Variants in STX8 observed in about 807,000 individuals in gnomAD.
STX8 encodes syntaxin-8.
A neutral mutation model predicts 37.5 loss-of-function variants in STX8; 23 were observed. The ratio of observed to expected loss-of-function variants is 0.61; its 90% CI spans 0.44 to 0.87. The LOEUF (loss-of-function observed/expected upper bound fraction) is 0.87, where lower values mean the gene tolerates loss of function less well. Among genes scored for constraint, STX8 ranks in the 40% least tolerant of loss-of-function variants. The pLI is 0.00. For missense variants in STX8, 313 were observed against 284.7 expected, an observed-to-expected ratio of 1.10 and a Z score of -0.71; for synonymous variants, 115 against 99.1, an observed-to-expected ratio of 1.16 and a Z score of -0.95.
At chr17:9,517,788 TAAA>T (rs11318149) in intron 4 of STX8, among the ~76,000 whole-genome samples, 2,629 of 98,698 alleles carry the variant, frequency 0.027, 120 homozygotes, top group African/African-American at 0.091. Context: ...ACCCCTATTG[TAAA>T]AAAAAAAAAA....
chr17:9,295,116 G>C (rs918245370), intron 7 of STX8, among the ~76,000 whole-genome samples: 1 of 152,210 alleles, frequency 6.6e-6, no homozygotes, highest in African/African-American at 2.4e-5. Context: ...AGTGAGCCTT[G>C]TTGGCCCTGC....
At chr17:9,560,289 T>C (rs901183334) in intron 2 of STX8, among the ~76,000 whole-genome samples, 1 of 143,906 alleles carries the variant, frequency 6.9e-6, no homozygotes, top group African/African-American at 2.6e-5. Context: ...TCTCAGTTAC[T>C]GGGGAGGCTG....
intron 6 of STX8, among the ~76,000 whole-genome samples, chr17:9,449,360 A>G (rs1185970735): frequency 6.6e-6 from 1 of 152,196 alleles, no homozygotes; most frequent in Non-Finnish European, 1.5e-5. Flanking sequence ...GGAGATCGAG[A>G]CCACCCTGGC....
At position 9,262,426 on chromosome 17, in the gene STX8, G is replaced by A. The variant is rs543968196; in HGVS notation, c.644-11781C>T. Among the ~76,000 whole-genome samples the A allele has an allele frequency of 5.3e-5, 8 of 152,284 alleles. No homozygotes were observed. In the East Asian group the frequency reaches 7.7e-4, roughly 15 times the overall value. On this transcript the variant is annotated intron_variant, in intron 7 of 7. Coordinates refer to ENST00000306357, the MANE Select transcript of STX8 (RefSeq NM_004853.3). ...GAGGGGTGGGCCACAAACTTAGCTC[G>A]GGAGGTCCCAGGCCCTGCCTTTGCT...
At chr17:9,470,564 T>G (rs1220953387) in intron 6 of STX8, among the ~76,000 whole-genome samples, 1 of 152,230 alleles carries the variant, frequency 6.6e-6, no homozygotes, top group Non-Finnish European at 1.5e-5. Context: ...ACCTTCTTTC[T>G]GTATCTTTTT....
chr17:9,345,592 A>G (rs948588057), intron 7 of STX8, among the ~76,000 whole-genome samples: 3 of 152,108 alleles, frequency 2.0e-5, no homozygotes, highest in Non-Finnish European at 2.9e-5. Flanking sequence ...TTTAGATGAC[A>G]AAGAATATAT....
intron 6 of STX8, among the ~76,000 whole-genome samples, chr17:9,418,958 C>T (rs869138721): frequency 1.4e-5 from 1 of 70,834 alleles, no homozygotes; most frequent in Non-Finnish European, 3.6e-5. Context: ...GGCTCTCTCC[C>T]TGTCACCCAG....
chr17:9,321,900 T>A (rs949414197), intron 7 of STX8, among the ~76,000 whole-genome samples: 5 of 152,118 alleles, frequency 3.3e-5, no homozygotes, highest in Non-Finnish European at 7.4e-5. Context: ...ACTCTGGAGA[T>A]CAGGACAGGG....
intron 7 of STX8, among the ~76,000 whole-genome samples, chr17:9,373,955 A>AT (rs1911498992): frequency 6.6e-6 from 1 of 151,612 alleles, no homozygotes; most frequent in Admixed American, 6.6e-5. Context: ...AAAAAAAAAA[A>AT]AGTTCTGGAC....
chr17:9,339,103 G>A (rs1242976914), intron 7 of STX8, among the ~76,000 whole-genome samples: 2 of 145,862 alleles, frequency 1.4e-5, no homozygotes, highest in Non-Finnish European at 3.0e-5. Context: ...TCCAGGTGAA[G>A]CTCTTAAATA....
chr17:9,314,379 ATATTT>A (rs1909304906), intron 7 of STX8, among the ~76,000 whole-genome samples: 2 of 151,950 alleles, frequency 1.3e-5, no homozygotes, highest in Admixed American at 6.6e-5. Context: ...TTGGGAATAT[ATATTT>A]TATATCTGTT....
At chr17:9,428,235 CTTTTGTTTTGTTTTG>C (rs372149421) in intron 6 of STX8, among the ~76,000 whole-genome samples, 9 of 151,980 alleles carry the variant, frequency 5.9e-5, no homozygotes, top group Non-Finnish European at 1.3e-4. Context: ...CCAGAAATGA[CTTTTGTTTTGTTTTG>C]TTTTGTTTTG....
At position 9,468,388 on chromosome 17, in the gene STX8, G is replaced by A. The variant is rs566629698; in HGVS notation, c.541+23441C>T. Among the ~76,000 whole-genome samples, 4 of 152,316 alleles carry A rather than the reference G, an allele frequency of 2.6e-5. No homozygotes were observed. The South Asian group carries it at 8.3e-4, about 32-fold the overall frequency. On this transcript the variant is annotated intron_variant, in intron 6 of 7. Transcript: ENST00000306357. ...ACCTCCCAAAGTGCTGGGATTACAG[G>A]TGTGAGCCACTGCACCCAGCAATAT...
At position 9,470,002 on chromosome 17, in the gene STX8, T is replaced by A. The variant is rs571042067; in HGVS notation, c.541+21827A>T. 36 of 152,358 alleles carry A rather than the reference T, an allele frequency of 2.4e-4. 1 individual carries two copies. Among genetic ancestry groups the A allele is most frequent in the Admixed American group, 2.0e-3 (31 of 15,298 alleles). The allele number at this position is 152,358 out of a possible 1,614,324, so 9.4% of individuals were successfully genotyped here. Reference sequence around the variant, plus strand: ...TTAATTCCTCAGGACATAATAAATTTTTTTTAATTGTGCTTGTGGATTTCA... The same window carrying A: ...TTAATTCCTCAGGACATAATAAATTATTTTTAATTGTGCTTGTGGATTTCA... On this transcript the variant is annotated intron_variant, in intron 6 of 7. Transcript: ENST00000306357.
Position 9,424,615 on chromosome 17 carries a change from C to T in STX8, c.542-45962G>A, listed in dbSNP as rs113022045. Among the ~76,000 whole-genome samples, 783 of 152,234 alleles carry T rather than the reference C, an allele frequency of 5.1e-3. 5 individuals carry two copies. The highest frequency in any genetic ancestry group is 7.6e-3 in the Non-Finnish European group (515 of 68,026). The stretch of plus-strand genomic sequence containing the variant: ...GGTTTCCAGATCCTTATTCCTCTTC[C>T]CTCCAGGTCATGCCCTGGCCCATTC... On this transcript the variant is annotated intron_variant, in intron 6 of 7. Coordinates refer to ENST00000306357, the MANE Select transcript of STX8 (RefSeq NM_004853.3).
chr17:9,279,779 C>T (rs1363964599), intron 7 of STX8, among the ~76,000 whole-genome samples: 1 of 152,210 alleles, frequency 6.6e-6, no homozygotes, highest in Admixed American at 6.5e-5. Flanking sequence ...TTTTCCTCTT[C>T]AAGAACTGCA....
chr17:9,513,222 T>A (rs981575952), intron 4 of STX8, among the ~76,000 whole-genome samples: 1 of 148,868 alleles, frequency 6.7e-6, no homozygotes, highest in East Asian at 2.0e-4. Context: ...GCAAATGAGC[T>A]AGGCATGGTG....
At position 9,561,573 on chromosome 17, in the gene STX8, C is replaced by T. The variant is rs1466044981; in HGVS notation, c.118-4045G>A. On this transcript the variant is annotated intron_variant, in intron 2 of 7. Coordinates refer to ENST00000306357, the MANE Select transcript of STX8 (RefSeq NM_004853.3). ...ACTTGGGACGCTGTGGCAGGAGAAT[C>T]GCTTGAACCTGGGAGGCTCGGAGGT... 4.8e-5 allele frequency among the ~76,000 whole-genome samples: 7 copies of T among 145,570 alleles called. No homozygotes were observed. The Admixed American group carries it at 5.0e-4, about 11-fold the overall frequency.
intron 6 of STX8, among the ~76,000 whole-genome samples, chr17:9,457,649 T>G (rs1368989841): frequency 6.6e-6 from 1 of 152,272 alleles, no homozygotes; most frequent in Admixed American, 6.5e-5. Flanking sequence ...TCTGTGCTCT[T>G]CCAGCCTCAA....
Sources: allele counts gnomAD v4.1 joint callset (sites outside exome capture counted in the v4.1 genomes callset), GRCh38; gene constraint gnomAD v4.1.1; transcripts MANE v1.5; gene names NCBI Gene and HGNC (gene_info 2026-07-23, HGNC 2026-07-21).